DPYD: variants seen among roughly 807,000 people sequenced by gnomAD.
DPYD encodes dihydropyrimidine dehydrogenase.
In DPYD, 109 loss-of-function variants were observed where a neutral mutation model predicts 116.2. The ratio of observed to expected loss-of-function variants is 0.94; its 90% CI spans 0.80 to 1.10. DPYD has a LOEUF of 1.10. Ranked by LOEUF, DPYD falls within the 50% of genes least tolerant of loss-of-function variation. DPYD has a pLI of 0.00. For missense variants in DPYD, 1,302 were observed against 1,254.5 expected (o/e 1.04, Z -0.57); for synonymous variants, 440 against 432.0 (o/e 1.02, Z -0.23).
At chr1:97,277,562 T>TA (rs897404071) in intron 18 of DPYD, among the ~76,000 whole-genome samples, 3 of 152,124 alleles carry the variant, frequency 2.0e-5, no homozygotes, top group African/African-American at 7.2e-5. Flanking sequence ...TGAAGTTATT[T>TA]ATAATTCCCT....
rs372647160 is a variant in DPYD, at chr1:97,439,580, A to G, written c.1905+10479T>C. 1.4e-4 allele frequency among the ~76,000 whole-genome samples: 22 copies of G among 152,204 alleles called. 1 individual carries two copies. In the East Asian group the frequency reaches 2.1e-3, roughly 15 times the overall value. ...TGATGTTATCTCTCTCCTTTTCTAT[A>G]TTGGTAATCTGTGTTTCTTCTTTTT... On this transcript the variant is annotated intron_variant, in intron 14 of 22. Transcript: ENST00000370192.
At chr1:97,359,583 G>T (rs1670607778) in intron 16 of DPYD, among the ~76,000 whole-genome samples, 1 of 152,190 alleles carries the variant, frequency 6.6e-6, no homozygotes, top group South Asian at 2.1e-4. Context: ...CCAACAAAGA[G>T]AAGTCTATCA....
intron 16 of DPYD, among the ~76,000 whole-genome samples, chr1:97,323,262 A>ATATGTGTATATGTACACGTATATATACT (rs1668422531): frequency 6.7e-6 from 1 of 148,426 alleles, no homozygotes; most frequent in Non-Finnish European, 1.5e-5. Flanking sequence ...ACTTATATAC[A>ATATGTGTATATGTACACGTATATATACT]TATGTGTATA....
At chr1:97,434,214 T>A (rs1675335324) in intron 14 of DPYD, among the ~76,000 whole-genome samples, 1 of 152,086 alleles carries the variant, frequency 6.6e-6, no homozygotes, top group African/African-American at 2.4e-5. Context: ...TTACAGAAAA[T>A]TTCCTTTTGG....
intron 7 of DPYD, among the ~76,000 whole-genome samples, chr1:97,689,974 TTTAGG>T (rs1186071558): frequency 6.6e-6 from 1 of 152,078 alleles, no homozygotes; most frequent in African/African-American, 2.4e-5. Context: ...TTCTCTTTAA[TTTAGG>T]TTCCATTTTT....
At chr1:97,260,620 C>A (rs958694934) in intron 18 of DPYD, among the ~76,000 whole-genome samples, 3 of 151,966 alleles carry the variant, frequency 2.0e-5, no homozygotes, top group Non-Finnish European at 2.9e-5. Context: ...GAAATAGTTG[C>A]ATGGATAAAC....
intron 19 of DPYD, among the ~76,000 whole-genome samples, chr1:97,230,842 A>G (rs1398742982): frequency 6.6e-6 from 1 of 152,150 alleles, no homozygotes; most frequent in Non-Finnish European, 1.5e-5. Flanking sequence ...CATGGCTCAC[A>G]AAAGAGAGAT....
chr1:97,655,165 T>TATAC (rs1476878169), intron 8 of DPYD, among the ~76,000 whole-genome samples: 4 of 152,234 alleles, frequency 2.6e-5, no homozygotes, highest in Non-Finnish European at 5.9e-5. Context: ...CCTACTTGAA[T>TATAC]ATACACAAGC....
At chr1:97,229,243 G>A (rs1275621666) in intron 19 of DPYD, among the ~76,000 whole-genome samples, 6 of 147,710 alleles carry the variant, frequency 4.1e-5, no homozygotes, top group African/African-American at 9.9e-5. Context: ...GAATTTGATG[G>A]GAAGTAAAAA....
intron 3 of DPYD, among the ~76,000 whole-genome samples, chr1:97,814,918 A>AAAGAATGAGG (rs3075433): frequency 1.2e-5 from 1 of 85,582 alleles, no homozygotes. Context: ...AAAAAAAAAA[A>AAAGAATGAGG]AAAGAAAGAG....
At chr1:97,875,415 C>G (rs942753481) in intron 2 of DPYD, among the ~76,000 whole-genome samples, 1 of 151,882 alleles carries the variant, frequency 6.6e-6, no homozygotes, top group African/African-American at 2.4e-5. Flanking sequence ...GTGAATGTAG[C>G]TATCAAGAGA....
chr1:97,825,568 C>A (rs1365102245), intron 3 of DPYD, among the ~76,000 whole-genome samples: 1 of 131,710 alleles, frequency 7.6e-6, no homozygotes, highest in African/African-American at 3.0e-5. Flanking sequence ...GGGAATTGAA[C>A]AATGAGAACA....
intron 18 of DPYD, among the ~76,000 whole-genome samples, chr1:97,237,198 G>A (rs959269936): frequency 2.6e-4 from 32 of 125,118 alleles, no homozygotes; most frequent in African/African-American, 5.6e-4. Context: ...CCGAGATTGC[G>A]CCATTGCCCT....
At chr1:97,893,393 G>A (rs994898193) in intron 1 of DPYD, among the ~76,000 whole-genome samples, 8 of 133,728 alleles carry the variant, frequency 6.0e-5, no homozygotes, top group Admixed American at 7.8e-5. Context: ...GTGTGGAAGG[G>A]TCATGAAATT....
At chr1:97,247,413 A>C (rs1662791832) in intron 18 of DPYD, among the ~76,000 whole-genome samples, 1 of 152,144 alleles carries the variant, frequency 6.6e-6, no homozygotes, top group Admixed American at 6.6e-5. Context: ...CAAGTCAGCT[A>C]CTTGCCAAAA....
At chr1:97,348,059 AT>A (rs1200211421) in intron 16 of DPYD, among the ~76,000 whole-genome samples, 1 of 152,130 alleles carries the variant, frequency 6.6e-6, no homozygotes, top group Non-Finnish European at 1.5e-5. Flanking sequence ...CTTGTACAGT[AT>A]ATTCATGGAT....
At chr1:97,117,059 G>A (rs953655024) in intron 20 of DPYD, among the ~76,000 whole-genome samples, 6 of 151,842 alleles carry the variant, frequency 4.0e-5, no homozygotes, top group African/African-American at 9.7e-5. Flanking sequence ...AGCTACTCAG[G>A]AGGCTGAGGT....
intron 19 of DPYD, among the ~76,000 whole-genome samples, chr1:97,205,660 T>C (rs1234104643): frequency 1.3e-5 from 2 of 152,086 alleles, no homozygotes; most frequent in Admixed American, 1.3e-4. Context: ...ACAATTTCCA[T>C]AATATTTTTA....
At chr1:97,774,250 A>T (rs1445878194) in intron 3 of DPYD, among the ~76,000 whole-genome samples, 2 of 152,128 alleles carry the variant, frequency 1.3e-5, no homozygotes, top group African/African-American at 4.8e-5. Context: ...AAACTGTAGG[A>T]TCTGCCACTC....
Sources: allele counts gnomAD v4.1 joint callset (sites outside exome capture counted in the v4.1 genomes callset), GRCh38; gene constraint gnomAD v4.1.1; transcripts MANE v1.5; gene names NCBI Gene and HGNC (gene_info 2026-07-23, HGNC 2026-07-21).